Variants in CDK15 observed in about 807,000 individuals in gnomAD.
CDK15 encodes the protein cyclin-dependent kinase 15.
Under a neutral mutation model 60.3 loss-of-function variants are expected in CDK15, and 62 were observed. That is an observed-to-expected ratio of 1.03 (90% CI 0.84 to 1.27). The LOEUF is 1.27. Ranked by LOEUF, CDK15 falls within the 50% of genes most tolerant of loss-of-function variation. The pLI is 0.00. For synonymous variants in CDK15, 194 were observed against 195.7 expected (o/e 0.99, Z 0.07); for missense variants, 541 against 527.8 (o/e 1.03, Z -0.25).
At position 201,872,258 on chromosome 2, in the gene CDK15, G is replaced by T; in HGVS notation, c.1010-20G>T. On this transcript the variant is annotated intron_variant, in intron 10 of 13. Transcript: ENST00000652192. ...TTTCGGGTGGATTTTATTTTTTAACGCCCTCTGTATGCTTCCCAGAATGGT... is the reference window on the plus strand; with the variant it reads ...TTTCGGGTGGATTTTATTTTTTAACTCCCTCTGTATGCTTCCCAGAATGGT... 6.2e-7 allele frequency: 1 copy of T among 1,613,530 alleles called. No homozygotes were observed. Among genetic ancestry groups the T allele is most frequent in the South Asian group, 1.1e-5 (1 of 91,056 alleles).
At chr2:201,861,227 TG>T (rs767632839) in intron 10 of CDK15, 17 of 1,024,084 alleles carry the variant, frequency 1.7e-5, no homozygotes, top group Non-Finnish European at 1.8e-5. Context: ...ATTGTAAAAG[TG>T]TTTCCTATGT....
At chr2:201,831,464 T>G (rs1190164140) in intron 6 of CDK15, among the ~76,000 whole-genome samples, 1 of 152,182 alleles carries the variant, frequency 6.6e-6, no homozygotes, top group Non-Finnish European at 1.5e-5. Flanking sequence ...TATGTTAGGA[T>G]GCAATAATTG....
Position 201,882,928 on chromosome 2 carries a change from GA to G in CDK15, c.1198+2762del, listed in dbSNP as rs1043835462. Among the ~76,000 whole-genome samples, 2 of 152,140 alleles carry G rather than the reference GA, an allele frequency of 1.3e-5. No individual in the cohort carries two copies. The highest frequency in any genetic ancestry group is 2.1e-4 in the South Asian group (1 of 4,828). The stretch of plus-strand genomic sequence containing the variant: ...CTGCTTTTTCATTGCCCCTGGCAAT[GA>G]GCCTTTATTAACAGCCTCCTTTGCA... On this transcript the variant is annotated intron_variant, in intron 12 of 13. Coordinates refer to ENST00000652192, the MANE Select transcript of CDK15 (RefSeq NM_001366386.2). This position sits in a 1 kb window ranked among gnomAD's most constrained non-coding sequence, Gnocchi z 4.0.
chr2:201,888,639 A>G, intron 12 of CDK15: 1 of 1,386,284 alleles, frequency 7.2e-7, no homozygotes, highest in Non-Finnish European at 9.3e-7. Flanking sequence ...TGGGAAGGAG[A>G]GTCTGGCAGT....
chr2:201,820,351 G>C (rs1241260388), intron 4 of CDK15, among the ~76,000 whole-genome samples: 1 of 152,192 alleles, frequency 6.6e-6, no homozygotes, highest in Non-Finnish European at 1.5e-5. Context: ...TAGACGTTTA[G>C]TGGGGTTCAG....
rs77550292 is a variant in CDK15, at chr2:201,863,469, C to T, written c.1009+8532C>T. Among the ~76,000 whole-genome samples the T allele has an allele frequency of 3.1e-3, 467 of 152,278 alleles. 5 individuals are homozygous for T. The Middle Eastern group carries it at 0.061, about 20-fold the overall frequency. ...GTTGAAGAATAAAAGAGGCCTGCCT[C>T]AAGGTGCCAAATAACATGTAAATGG... On this transcript the variant is annotated intron_variant, in intron 10 of 13. Coordinates refer to ENST00000652192, the MANE Select transcript of CDK15 (RefSeq NM_001366386.2).
intron 8 of CDK15, among the ~76,000 whole-genome samples, chr2:201,840,658 A>T (rs1697337140): frequency 6.6e-6 from 1 of 152,126 alleles, no homozygotes. Flanking sequence ...TTTGTTGGGG[A>T]TGTGATTCTA....
rs1220979448 is a variant in CDK15, at chr2:201,823,874, T to C, written c.606+147T>C. ...TCCAGAAAAAAGTTTTGTTTTGTTT[T>C]CGTTTTTGTTTTTTTTTAAAAAGGA... On this transcript the variant is annotated intron_variant, in intron 6 of 13. Coordinates refer to ENST00000652192, the MANE Select transcript of CDK15 (RefSeq NM_001366386.2). 9.1e-6 allele frequency: 6 copies of C among 662,362 alleles called. No homozygotes were observed. In the Admixed American group the frequency reaches 1.8e-4, roughly 20 times the overall value. The allele number at this position is 662,362 out of a possible 1,614,324, so 41.0% of individuals were successfully genotyped here. A position where few individuals can be genotyped will look rare whatever the true frequency, so the allele number is the denominator to read the frequency against.
intron 9 of CDK15, 73 bp downstream of exon 9, chr2:201,847,547 C>A: frequency 7.9e-7 from 1 of 1,271,594 alleles, no homozygotes; most frequent in Non-Finnish European, 1.1e-6. Flanking sequence ...GCCTTACAGA[C>A]AAATGAAGCA....
intron 6 of CDK15, among the ~76,000 whole-genome samples, chr2:201,827,308 T>G (rs1574864387): frequency 6.6e-6 from 1 of 152,066 alleles, no homozygotes; most frequent in Admixed American, 6.6e-5. Context: ...CAGCTGAGCA[T>G]GGTGGCATAC....
intron 4 of CDK15, among the ~76,000 whole-genome samples, chr2:201,822,463 C>T (rs1469564502): frequency 6.6e-6 from 1 of 152,232 alleles, no homozygotes; most frequent in Non-Finnish European, 1.5e-5. Context: ...CCCTTTATCT[C>T]TCCAGGCCTC....
At position 201,888,435 on chromosome 2, in the gene CDK15, C is replaced by A. The variant is rs1335497504; in HGVS notation, c.1199-2350C>A. ...CCTTCTCAAAAAATTTTTAAACACCCGCTTTCATATTTATTTATTCTAAGA... is the reference window on the plus strand; with the variant it reads ...CCTTCTCAAAAAATTTTTAAACACCAGCTTTCATATTTATTTATTCTAAGA... On this transcript the variant is annotated intron_variant, in intron 12 of 13. Coordinates refer to ENST00000652192, the MANE Select transcript of CDK15 (RefSeq NM_001366386.2). The A allele has an allele frequency of 3.9e-6, 6 of 1,531,782 alleles. No individual in the cohort carries two copies. In the East Asian group the frequency reaches 1.5e-4, roughly 38 times the overall value. 94.9% of individuals were successfully genotyped at this position (1,531,782 alleles called of 1,614,324 possible).
At chr2:201,835,878 A>T (rs1696987947) in intron 8 of CDK15, 115 bp downstream of exon 8, 11 of 325,900 alleles carry the variant, frequency 3.4e-5, no homozygotes, top group Non-Finnish European at 4.5e-6. Context: ...ATTTTTATAT[A>T]TATTTATATT....
At chr2:201,868,252 T>C (rs534569005) in intron 10 of CDK15, among the ~76,000 whole-genome samples, 65 of 152,242 alleles carry the variant, frequency 4.3e-4, no homozygotes, top group African/African-American at 1.4e-3. Flanking sequence ...TGAAGAAATT[T>C]TTATATTACA....
chr2:201,807,527 A>T lies in CDK15; in HGVS notation c.157A>T (p.Thr53Ser). 6 of 1,614,152 alleles carry T rather than the reference A, an allele frequency of 3.7e-6. No homozygotes were observed. The highest frequency in any genetic ancestry group is 5.1e-6 in the Non-Finnish European group (6 of 1,180,036). The change falls in exon 2 of 14, where the codon ACT becomes TCT. Residue 53 changes from threonine (T) to serine (S), a missense_variant. Transcript: ENST00000652192. ...TDLKEASCSMTSFHPRGLQAA... is the reference protein window; with the variant it reads ...TDLKEASCSMSSFHPRGLQAA... ...CCTAAAAGAAGCATCATGTTCCATG[A>T]CTTCATTTCACCCCAGGGGACTTCA...
chr2:201,812,184 A>AAAAAC (rs1695802812), intron 3 of CDK15, among the ~76,000 whole-genome samples: 1 of 148,638 alleles, frequency 6.7e-6, no homozygotes, highest in African/African-American at 2.5e-5. Context: ...AAAAAAAAAA[A>AAAAAC]AAAAAAACAA....
chr2:201,847,133 T>G (rs1574896034), intron 8 of CDK15, among the ~76,000 whole-genome samples: 1 of 152,226 alleles, frequency 6.6e-6, no homozygotes, highest in East Asian at 1.9e-4. Flanking sequence ...GCTTGAATGA[T>G]CTACAATGTT....
intron 8 of CDK15, among the ~76,000 whole-genome samples, chr2:201,837,431 AG>A (rs1433818768): frequency 2.4e-5 from 2 of 82,566 alleles, no homozygotes; most frequent in African/African-American, 5.3e-5. Flanking sequence ...GGAGGGAGGA[AG>A]GGAAGGAAGG....
At chr2:201,855,205 T>C (rs886286939) in intron 10 of CDK15, among the ~76,000 whole-genome samples, 10 of 152,210 alleles carry the variant, frequency 6.6e-5, no homozygotes, top group African/African-American at 9.6e-5. Context: ...TCCACATCCA[T>C]TGTCAAATAC....
Sources: allele counts gnomAD v4.1 joint callset (sites outside exome capture counted in the v4.1 genomes callset), GRCh38; gene constraint gnomAD v4.1.1; non-coding constraint Gnocchi (gnomAD v3.1); transcripts MANE v1.5; gene names NCBI Gene and HGNC (gene_info 2026-07-23, HGNC 2026-07-21).